Variants in CFAP54 observed in about 807,000 individuals in gnomAD.
CFAP54 encodes cilia- and flagella-associated protein 54.
Under a neutral mutation model 370.4 loss-of-function variants are expected in CFAP54, and 290 were observed. The ratio of observed to expected loss-of-function variants is 0.78; its 90% CI spans 0.71 to 0.86. CFAP54 has a LOEUF of 0.86. Ranked by LOEUF, CFAP54 falls within the 40% of genes least tolerant of loss-of-function variation. The probability of loss-of-function intolerance (pLI) is 0.00; values close to 1 mark genes in which losing one functional copy is unlikely to be tolerated. For synonymous variants in CFAP54, 1,206 were observed against 1,236.5 expected, an observed-to-expected ratio of 0.98 and a Z score of 0.52; for missense variants, 3,399 against 3,528.7, an observed-to-expected ratio of 0.96 and a Z score of 0.93.
intron 62 of CFAP54, among the ~76,000 whole-genome samples, chr12:96,787,771 T>G (rs1258493548): frequency 6.6e-6 from 1 of 152,158 alleles, no homozygotes; most frequent in Non-Finnish European, 1.5e-5. Context: ...GAAAGTTACT[T>G]TATTTCAGAG....
intron 67 of CFAP54, among the ~76,000 whole-genome samples, chr12:96,870,245 G>A (rs1268879998): frequency 6.6e-6 from 1 of 151,690 alleles, no homozygotes; most frequent in African/African-American, 2.4e-5. Flanking sequence ...TGGCGACAGA[G>A]TGAGACTCCA....
rs143031400 is a variant in CFAP54 at position 96,860,680 on chromosome 12, A to G, written c.9172-139A>G. 76 of 766,196 alleles carry G rather than the reference A, an allele frequency of 9.9e-5. No individual in the cohort carries two copies. The African/African-American group carries it at 1.2e-3, about 12-fold the overall frequency. The allele number at this position is 766,196 out of a possible 1,614,324, so 47.5% of individuals were successfully genotyped here. A position where few individuals can be genotyped will look rare whatever the true frequency, so the allele number is the denominator to read the frequency against. On this transcript the variant is annotated intron_variant, in intron 66 of 67. Transcript: ENST00000524981. ...CCATTTCAGCAGTTTAGAGGTATGA[A>G]ACTTTGTGCCTTACCTGAGACACAC... is the stretch of plus-strand genomic sequence containing the variant.
rs764397744 is a variant in CFAP54, at chr12:96,691,234, G to A, written c.6188G>A (p.Arg2063Lys). 1.1e-5 allele frequency: 17 copies of A among 1,613,114 alleles called. No homozygotes were observed. The highest frequency in any genetic ancestry group is 1.4e-5 in the Non-Finnish European group (17 of 1,179,578). The change falls in exon 44 of 68, where the codon AGG (arginine) becomes AAG (lysine). Residue 2063 changes from arginine to lysine, a missense_variant. Physicochemically the swap from Arg to Lys is conservative, Grantham distance 26 (BLOSUM62 2). This residue lies in a region of CFAP54 where 2,796 missense variants were observed against 2,869.7 expected (regional missense o/e 0.97). Coordinates refer to ENST00000524981, the MANE Select transcript of CFAP54 (RefSeq NM_001306084.2). ...PGIELFSDRY[R>K]ADICSVIASL... ...ATTGAACTCTTCTCAGATAGATACAGGGCTGACATTTGCTCTGTAATTGCA... is the reference window on the plus strand; with the variant it reads ...ATTGAACTCTTCTCAGATAGATACAAGGCTGACATTTGCTCTGTAATTGCA...
chr12:96,837,473 A>G (rs934254804), intron 66 of CFAP54, among the ~76,000 whole-genome samples: 3 of 151,894 alleles, frequency 2.0e-5, no homozygotes, highest in Non-Finnish European at 4.4e-5. Flanking sequence ...CTTTGTACTT[A>G]ATAGTTTTTA....
intron 45 of CFAP54, among the ~76,000 whole-genome samples, chr12:96,694,286 A>G (rs1350914330): frequency 6.6e-6 from 1 of 152,320 alleles, no homozygotes; most frequent in South Asian, 2.1e-4. Flanking sequence ...TTTGAGATTC[A>G]TGTGTGATTG....
At chr12:96,597,501 CAA>C (rs1956192379) in intron 25 of CFAP54, among the ~76,000 whole-genome samples, 4 of 151,770 alleles carry the variant, frequency 2.6e-5, no homozygotes, top group Non-Finnish European at 4.4e-5. Context: ...AAGCTGGTGA[CAA>C]AGAGAAGTAA....
At chr12:96,694,771 C>G (rs1470021966) in intron 45 of CFAP54, among the ~76,000 whole-genome samples, 1 of 151,890 alleles carries the variant, frequency 6.6e-6, no homozygotes, top group East Asian at 1.9e-4. Context: ...CGCCTGTAAT[C>G]CCAGCACTTT....
intron 67 of CFAP54, among the ~76,000 whole-genome samples, chr12:96,862,395 T>G (rs1240130676): frequency 6.6e-6 from 1 of 152,138 alleles, no homozygotes; most frequent in African/African-American, 2.4e-5. Context: ...GAAAACAAAC[T>G]GTAAGGAGGA....
At chr12:96,651,894 GTTTTT>G (rs11314540) in intron 36 of CFAP54, 79 bp downstream of exon 36, 1 of 669,490 alleles carries the variant, frequency 1.5e-6, no homozygotes, top group African/African-American at 1.9e-5. Flanking sequence ...AGTAGAAACT[GTTTTT>G]TTTTTTATTT....
chr12:96,663,431 A>C (rs985310955), intron 38 of CFAP54, among the ~76,000 whole-genome samples: 6 of 152,214 alleles, frequency 3.9e-5, no homozygotes, highest in African/African-American at 1.4e-4. Context: ...AGAGGAAGTT[A>C]GTTCTGAAAA....
At chr12:96,581,209 G>T (rs1233285003) in intron 22 of CFAP54, 104 bp downstream of exon 22, 2 of 777,968 alleles carry the variant, frequency 2.6e-6, no homozygotes, top group South Asian at 3.4e-5. Flanking sequence ...ATATTCTAAA[G>T]CTCCTATAAC....
chr12:96,603,556 A>G (rs1956266730), intron 26 of CFAP54, among the ~76,000 whole-genome samples: 1 of 152,232 alleles, frequency 6.6e-6, no homozygotes, highest in South Asian at 2.1e-4. Context: ...AGTGTTTTCC[A>G]ACTTCGTTCC....
intron 65 of CFAP54, among the ~76,000 whole-genome samples, chr12:96,825,444 T>TATTATA (rs1959083755): frequency 8.5e-6 from 1 of 118,118 alleles, no homozygotes; most frequent in Non-Finnish European, 1.6e-5. Flanking sequence ...ATAATATATG[T>TATTATA]TATATTATAT....
intron 19 of CFAP54, among the ~76,000 whole-genome samples, chr12:96,567,006 A>G (rs1034470533): frequency 1.3e-5 from 2 of 152,220 alleles, no homozygotes; most frequent in African/African-American, 4.8e-5. Flanking sequence ...GAAAATTAAC[A>G]GGGGAGTACC....
intron 66 of CFAP54, among the ~76,000 whole-genome samples, chr12:96,843,968 T>C (rs1959263832): frequency 6.6e-6 from 1 of 152,228 alleles, no homozygotes; most frequent in African/African-American, 2.4e-5. Context: ...AACCTAATAA[T>C]TTTTGGCACA....
chr12:96,762,504 T>C (rs7960027), intron 58 of CFAP54, among the ~76,000 whole-genome samples: 32,718 of 152,230 alleles, frequency 0.21, 3,715 homozygotes, highest in South Asian at 0.24. Context: ...CCATATTCTT[T>C]GTCCACTCCA....
rs975899014 is a variant in CFAP54 at position 96,600,224 on chromosome 12, C to A, written c.3639+1457C>A. Among the ~76,000 whole-genome samples, 6 of 152,254 alleles carry A rather than the reference C, an allele frequency of 3.9e-5. No individual in the cohort carries two copies. In the South Asian group the frequency reaches 1.0e-3, roughly 26 times the overall value. ...TTTCAGCTTTCTACATATGGCTAGCCAGTTTTCCCAGCACCATTTATTAAA... is the reference window on the plus strand; with the variant it reads ...TTTCAGCTTTCTACATATGGCTAGCAAGTTTTCCCAGCACCATTTATTAAA... On this transcript the variant is annotated intron_variant, in intron 26 of 67. Coordinates refer to ENST00000524981, the MANE Select transcript of CFAP54 (RefSeq NM_001306084.2).
chr12:96,504,075 A>C (rs1292940132), intron 3 of CFAP54, 46 bp downstream of exon 3: 2 of 1,445,324 alleles, frequency 1.4e-6, no homozygotes, highest in Non-Finnish European at 1.8e-6. Flanking sequence ...ATGATTAGCT[A>C]TACAATGTAT....
chr12:96,551,631 C>T (rs952950183), intron 15 of CFAP54, among the ~76,000 whole-genome samples: 1 of 151,988 alleles, frequency 6.6e-6, no homozygotes, highest in Admixed American at 6.6e-5. Flanking sequence ...GAAAGGAAAA[C>T]ATGTGACTAC....
Sources: gnomAD v4.1 joint callset for allele counts (sites outside exome capture counted in the v4.1 genomes callset) on GRCh38, gnomAD v4.1.1 for gene constraint, gnomAD v4.1.1 regional missense constraint, MANE v1.5 for transcripts, NCBI Gene and HGNC (gene_info 2026-07-23, HGNC 2026-07-21) for gene names.